SLC17A1: variants seen among roughly 807,000 people sequenced by gnomAD.
SLC17A1 encodes the protein sodium-dependent phosphate transport protein 1.
A neutral mutation model predicts 53.5 loss-of-function variants in SLC17A1; 51 were observed. That is an observed-to-expected ratio of 0.95 (90% CI 0.76 to 1.20). The LOEUF is 1.20. SLC17A1 is among the 50% of genes most tolerant of loss of function. The pLI, the probability that SLC17A1 is intolerant of heterozygous loss-of-function variation, is 0.00. For missense variants in SLC17A1, 538 were observed against 568.2 expected (o/e 0.95, Z 0.54); for synonymous variants, 179 against 198.8 (o/e 0.90, Z 0.84).
chr6:25,818,264 T>G (rs1221968615), intron 6 of SLC17A1, among the ~76,000 whole-genome samples: 1 of 152,206 alleles, frequency 6.6e-6, no homozygotes, highest in Non-Finnish European at 1.5e-5. Context: ...TGAAAAATCA[T>G]GAGTTCTTTG....
chr6:25,750,684 T>C, the SLC17A1 span, among the ~76,000 whole-genome samples: 1 of 151,508 alleles, frequency 6.6e-6, no homozygotes, highest in African/African-American at 2.4e-5. Context: ...GAAGCACTTG[T>C]ATAGGAAACT....
At chr6:25,740,383 A>AT in the SLC17A1 span, among the ~76,000 whole-genome samples, 32,247 of 151,412 alleles carry the variant, frequency 0.21, 4,347 homozygotes, top group Non-Finnish European at 0.3. Flanking sequence ...CTACAAAGTC[A>AT]TTTTTTTTTA....
chr6:25,761,883 A>G, the SLC17A1 span: 1 of 1,183,428 alleles, frequency 8.5e-7, no homozygotes, highest in Non-Finnish European at 1.2e-6. Flanking sequence ...GTAATATCAT[A>G]TAAGATTCTC....
intron 11 of SLC17A1, among the ~76,000 whole-genome samples, chr6:25,799,690 AG>A: frequency 6.6e-6 from 1 of 152,364 alleles, no homozygotes; most frequent in Non-Finnish European, 1.5e-5. Context: ...TTATAGGCAG[AG>A]ACAATTTTGG....
the SLC17A1 span, among the ~76,000 whole-genome samples, chr6:25,723,858 C>T: frequency 1.3e-5 from 2 of 152,070 alleles, no homozygotes; most frequent in East Asian, 3.8e-4. Context: ...TTAGACAATG[C>T]ATTTAGACAA....
chr6:25,740,424 G>A, the SLC17A1 span, among the ~76,000 whole-genome samples: 1 of 151,868 alleles, frequency 6.6e-6, no homozygotes, highest in South Asian at 2.1e-4. Context: ...AGAAATTATT[G>A]ATTAATATAA....
intron 2 of SLC17A1, among the ~76,000 whole-genome samples, chr6:25,829,712 T>G (rs897758846): frequency 6.6e-6 from 1 of 152,108 alleles, no homozygotes; most frequent in African/African-American, 2.4e-5. Context: ...GTAATAAGAA[T>G]ACCGCATATC....
At chr6:25,768,181 T>G in the SLC17A1 span, among the ~76,000 whole-genome samples, 2 of 152,154 alleles carry the variant, frequency 1.3e-5, no homozygotes, top group Non-Finnish European at 1.5e-5. Flanking sequence ...CTCTCAGAGT[T>G]GAACCAAAGG....
At chr6:25,816,759 C>CA (rs1213124930) in intron 6 of SLC17A1, among the ~76,000 whole-genome samples, 1 of 152,010 alleles carries the variant, frequency 6.6e-6, no homozygotes, top group Non-Finnish European at 1.5e-5. Context: ...AGACAGAAGA[C>CA]AGGGAAAGGG....
chr6:25,777,310 G>A, the SLC17A1 span: 1 of 213,294 alleles, frequency 4.7e-6, no homozygotes, highest in Non-Finnish European at 9.3e-6. Flanking sequence ...AATCTTTAAT[G>A]AAGGCAAAGG....
At chr6:25,734,330 A>C in the SLC17A1 span, among the ~76,000 whole-genome samples, 712 of 152,148 alleles carry the variant, frequency 4.7e-3, 3 homozygotes, top group African/African-American at 0.017. Context: ...AAATGTAAGA[A>C]TTTCTGAAAA....
chr6:25,762,515 G>T, the SLC17A1 span, among the ~76,000 whole-genome samples: 3 of 152,012 alleles, frequency 2.0e-5, no homozygotes, highest in South Asian at 2.1e-4. Context: ...TTTATAATAT[G>T]CATTAAGGGA....
At chr6:25,763,200 C>T in the SLC17A1 span, among the ~76,000 whole-genome samples, 1 of 152,194 alleles carries the variant, frequency 6.6e-6, no homozygotes, top group African/African-American at 2.4e-5. Flanking sequence ...TACCATGCCA[C>T]CCAGTCCTCT....
the SLC17A1 span, among the ~76,000 whole-genome samples, chr6:25,759,926 T>G: frequency 2.0e-5 from 3 of 152,238 alleles, no homozygotes; most frequent in East Asian, 5.8e-4. Context: ...AATCATTAGT[T>G]AGCTCCTGAC....
the SLC17A1 span, among the ~76,000 whole-genome samples, chr6:25,753,318 G>C: frequency 2.0e-5 from 3 of 152,204 alleles, no homozygotes; most frequent in Admixed American, 2.0e-4. Flanking sequence ...AGGTTGGTGT[G>C]TCCAAGGTGA....
At chr6:25,798,975 G>T (rs1256944099) in intron 11 of SLC17A1, 56 bp from the exon 12 acceptor site, 1 of 1,490,394 alleles carries the variant, frequency 6.7e-7, no homozygotes, top group South Asian at 1.4e-5. Flanking sequence ...TTTTTGTTTT[G>T]TAATGTTTAA....
chr6:25,749,039 T>C, the SLC17A1 span, among the ~76,000 whole-genome samples: 1 of 152,318 alleles, frequency 6.6e-6, no homozygotes, highest in East Asian at 1.9e-4. Context: ...CCTCTTTTAC[T>C]AATCCTCCTC....
the SLC17A1 span, chr6:25,727,256 C>A: frequency 6.2e-7 from 1 of 1,610,544 alleles, no homozygotes; most frequent in Non-Finnish European, 8.5e-7. Context: ...TGTCTGAGGG[C>A]ACCAAGGCTG....
intron 11 of SLC17A1, 87 bp from the exon 12 acceptor site, chr6:25,799,006 G>A (rs1033074032): frequency 6.5e-5 from 82 of 1,267,078 alleles, no homozygotes; most frequent in Admixed American, 1.4e-4. Context: ...TAAAAATGTA[G>A]ACTCAAGTCA....
Sources: gnomAD v4.1 joint callset for allele counts (sites outside exome capture counted in the v4.1 genomes callset) on GRCh38, gnomAD v4.1.1 for gene constraint, MANE v1.5 for transcripts, NCBI Gene and HGNC (gene_info 2026-07-23, HGNC 2026-07-21) for gene names.